Variants in SASH1 observed in about 807,000 individuals in gnomAD.
SASH1 encodes SAM and SH3 domain-containing protein 1.
Under a neutral mutation model 125.2 loss-of-function variants are expected in SASH1, and 44 were observed. That is an observed-to-expected ratio of 0.35 (90% CI 0.28 to 0.45). The LOEUF is 0.45. Ranked by LOEUF, SASH1 falls within the 20% of genes least tolerant of loss-of-function variation. The pLI is 1.00. For synonymous variants in SASH1, 639 were observed against 649.1 expected (o/e 0.98, Z 0.24); for missense variants, 1,426 against 1,614.5 (o/e 0.88, Z 2.00).
rs548806540 is a variant in SASH1 at position 148,404,982 on chromosome 6, C to T, written c.285+14720C>T. 3.8e-4 allele frequency among the ~76,000 whole-genome samples: 57 copies of T among 151,904 alleles called. 1 individual carries two copies. Among genetic ancestry groups the T allele is most frequent in the African/African-American group, 1.0e-3 (43 of 41,442 alleles). On this transcript the variant is annotated intron_variant, in intron 2 of 19. Transcript: ENST00000367467. ...AAAAATAATAATGCAGTGTTGGAAG[C>T]GGAGTGGAACCAAGCTAGCTCATCA...
chr6:148,205,330 T>G, the SASH1 span, among the ~76,000 whole-genome samples: 1 of 152,222 alleles, frequency 6.6e-6, no homozygotes, highest in African/African-American at 2.4e-5. Flanking sequence ...AACTGGGCCT[T>G]GCGCTTGGTT....
intron 2 of SASH1, among the ~76,000 whole-genome samples, chr6:148,433,526 G>C (rs2009777): frequency 0.88 from 133,786 of 151,502 alleles, 59,248 homozygotes; most frequent in African/African-American, 0.93. Flanking sequence ...ATGCCTCAGT[G>C]TCCTGAGTAG....
the SASH1 span, among the ~76,000 whole-genome samples, chr6:148,229,315 G>T: frequency 6.6e-6 from 1 of 152,004 alleles, no homozygotes; most frequent in African/African-American, 2.4e-5. Context: ...CTTGGGGAGG[G>T]TTAGTGGACT....
At chr6:148,415,714 T>G (rs927315330) in intron 2 of SASH1, among the ~76,000 whole-genome samples, 10 of 152,132 alleles carry the variant, frequency 6.6e-5, no homozygotes, top group Non-Finnish European at 1.2e-4. Context: ...AGGACAAAGG[T>G]CACCGCAGAG....
Position 148,533,064 on chromosome 6 carries a change from T to C in SASH1, c.1734+98T>C. ...ACTGTTGAATGCTGGGCTACTATGG[T>C]ACAGACTGGACAGTATCTTGGCTAC... On this transcript the variant is annotated intron_variant, in intron 14 of 19. Transcript: ENST00000367467. The surrounding 1 kb of genome is among the most constrained non-coding windows in gnomAD (Gnocchi z 6.2). 7.5e-7 allele frequency: 1 copy of C among 1,330,632 alleles called. No individual in the cohort carries two copies. The highest frequency in any genetic ancestry group is 1.8e-5 in the Admixed American group (1 of 56,130). 82.4% of individuals were successfully genotyped at this position (1,330,632 alleles called of 1,614,324 possible).
chr6:148,439,600 A>C (rs1389932775), intron 2 of SASH1, among the ~76,000 whole-genome samples: 1 of 152,162 alleles, frequency 6.6e-6, no homozygotes, highest in Non-Finnish European at 1.5e-5. Context: ...AACATAGTGA[A>C]ATCCCATCTC....
intron 1 of SASH1, among the ~76,000 whole-genome samples, chr6:148,328,103 G>A (rs1196071898): frequency 6.6e-6 from 1 of 152,090 alleles, no homozygotes; most frequent in Admixed American, 6.6e-5. Context: ...ACTCACACAT[G>A]CGATTAGAGC....
At chr6:148,328,141 G>C (rs1229665470) in intron 1 of SASH1, among the ~76,000 whole-genome samples, 1 of 152,016 alleles carries the variant, frequency 6.6e-6, no homozygotes, top group African/African-American at 2.4e-5. Flanking sequence ...GGTTGGCCTC[G>C]AGTGATTCTC....
chr6:148,316,980 A>G (rs2114561099), intron 1 of SASH1, among the ~76,000 whole-genome samples: 1 of 152,334 alleles, frequency 6.6e-6, no homozygotes, highest in South Asian at 2.1e-4. Flanking sequence ...CTTGAGGAAT[A>G]TAATGGTGAT....
intron 7 of SASH1, among the ~76,000 whole-genome samples, chr6:148,477,262 G>C (rs1454107713): frequency 6.6e-6 from 1 of 152,040 alleles, no homozygotes; most frequent in Non-Finnish European, 1.5e-5. Flanking sequence ...AAAGCAATAG[G>C]CAAAGTGAAA....
At chr6:148,336,176 C>CTTTTTTTTTTT (rs61290611) in intron 1 of SASH1, among the ~76,000 whole-genome samples, 1 of 70,726 alleles carries the variant, frequency 1.4e-5, no homozygotes, top group Non-Finnish European at 2.6e-5. Context: ...AAACTGCATC[C>CTTTTTTTTTTT]TTTTTTTTTT....
the SASH1 span, among the ~76,000 whole-genome samples, chr6:148,206,683 A>C: frequency 1.3e-5 from 2 of 151,686 alleles, no homozygotes; most frequent in Non-Finnish European, 2.9e-5. Context: ...CCAGCTACTC[A>C]GGAGGCTGAG....
intron 8 of SASH1, among the ~76,000 whole-genome samples, chr6:148,492,862 AAAT>A: frequency 6.9e-6 from 1 of 144,344 alleles, no homozygotes; most frequent in Non-Finnish European, 1.5e-5. Context: ...ATAAATAAAT[AAAT>A]AAATAAATAA....
chr6:148,392,609 A>C (rs558921531), intron 2 of SASH1, among the ~76,000 whole-genome samples: 2 of 152,322 alleles, frequency 1.3e-5, no homozygotes, highest in East Asian at 3.9e-4. Context: ...TTCTTAACCA[A>C]GTAAACATTC....
rs1417780132 is a variant in SASH1 at position 148,342,936 on chromosome 6, G to A, written c.-132G>A. The A allele has an allele frequency of 4.8e-6, 4 of 840,932 alleles. No homozygotes were observed. The South Asian group carries it at 2.1e-4, about 45-fold the overall frequency. 52.1% of individuals were successfully genotyped at this position (840,932 alleles called of 1,614,324 possible). ...CCCCCGCGGGGTGGCCGGGGCCGCC[G>A]GGGCATGCAGCGCGGGGGCGCGGCT... On this transcript the variant is annotated 5_prime_UTR_variant, in exon 1 of 20. Transcript: ENST00000367467.
chr6:148,376,503 C>T (rs1312749986), intron 1 of SASH1, among the ~76,000 whole-genome samples: 1 of 152,162 alleles, frequency 6.6e-6, no homozygotes, highest in African/African-American at 2.4e-5. Flanking sequence ...GCGCTCATCA[C>T]CACAAAAGGA....
chr6:148,354,195 GAA>G (rs894499450), intron 1 of SASH1, among the ~76,000 whole-genome samples: 5 of 151,618 alleles, frequency 3.3e-5, no homozygotes, highest in African/African-American at 9.7e-5. Flanking sequence ...AAAAAAGAAA[GAA>G]AAAAAGAGAG....
chr6:148,377,206 C>CA (rs1328370485), intron 1 of SASH1, among the ~76,000 whole-genome samples: 6 of 64,462 alleles, frequency 9.3e-5, no homozygotes, highest in African/African-American at 3.1e-4. Flanking sequence ...AAAAAAAAAA[C>CA]AAAACAAACA....
intron 8 of SASH1, among the ~76,000 whole-genome samples, chr6:148,511,287 A>T (rs1780109261): frequency 6.6e-6 from 1 of 150,842 alleles, no homozygotes; most frequent in Non-Finnish European, 1.5e-5. Flanking sequence ...GTTGAACTCA[A>T]GTAACTTCTA....
Sources: gnomAD v4.1 joint callset for allele counts (sites outside exome capture counted in the v4.1 genomes callset) on GRCh38, gnomAD v4.1.1 for gene constraint, Gnocchi (gnomAD v3.1) non-coding constraint, MANE v1.5 for transcripts, NCBI Gene and HGNC (gene_info 2026-07-23, HGNC 2026-07-21) for gene names.